Variants in PARN observed in about 807,000 individuals in gnomAD.
PARN encodes poly(A)-specific ribonuclease.
PARN carries 71 observed loss-of-function variants against 102.8 expected under a neutral mutation model. The observed-to-expected ratio is 0.69, with a 90% CI of 0.57 to 0.84. The LOEUF is 0.84. Ranked by LOEUF, PARN falls within the 40% of genes least tolerant of loss-of-function variation. The pLI is 0.00. For missense variants in PARN, 782 were observed against 760.9 expected (o/e 1.03, Z -0.33); for synonymous variants, 261 against 252.9 (o/e 1.03, Z -0.30).
At chr16:14,616,893 T>A (rs1420061899) in intron 6 of PARN, among the ~76,000 whole-genome samples, 4 of 150,380 alleles carry the variant, frequency 2.7e-5, no homozygotes, top group Non-Finnish European at 6.0e-5. Flanking sequence ...TACATACCTC[T>A]TGTTACACTG....
intron 22 of PARN, among the ~76,000 whole-genome samples, chr16:14,471,983 T>A (rs1386223184): frequency 6.6e-6 from 1 of 152,188 alleles, no homozygotes; most frequent in Admixed American, 6.5e-5. Context: ...TGTCCACATC[T>A]CTTTATGTGA....
intron 5 of PARN, among the ~76,000 whole-genome samples, 198 bp from the exon 6 acceptor site, chr16:14,617,848 A>C (rs942617386): frequency 6.6e-6 from 1 of 152,202 alleles, no homozygotes; most frequent in African/African-American, 2.4e-5. Flanking sequence ...TCTCCTTTAT[A>C]GCTTACAAAA....
chr16:14,451,136 C>T, intron 22 of PARN, among the ~76,000 whole-genome samples: 1 of 152,156 alleles, frequency 6.6e-6, no homozygotes, highest in Non-Finnish European at 1.5e-5. Flanking sequence ...CGTCCGTACT[C>T]TCCCACATGC....
At chr16:14,553,764 A>C (rs1177919661) in intron 20 of PARN, among the ~76,000 whole-genome samples, 2 of 152,196 alleles carry the variant, frequency 1.3e-5, no homozygotes, top group Non-Finnish European at 2.9e-5. Flanking sequence ...GTTTAATCTT[A>C]AAAATTATTT....
intron 6 of PARN, among the ~76,000 whole-genome samples, chr16:14,611,090 G>C (rs1332777476): frequency 2.0e-5 from 3 of 152,226 alleles, no homozygotes; most frequent in Non-Finnish European, 4.4e-5. Flanking sequence ...CTGCTCTGTA[G>C]TGAAGGGAAC....
At chr16:14,625,810 G>A (rs1596924100) in intron 5 of PARN, among the ~76,000 whole-genome samples, 2 of 152,356 alleles carry the variant, frequency 1.3e-5, no homozygotes, top group East Asian at 3.9e-4. Context: ...CAAGAGAAGG[G>A]AAAGATGGCA....
intron 11 of PARN, among the ~76,000 whole-genome samples, chr16:14,601,018 G>A (rs750286765): frequency 5.3e-5 from 8 of 152,180 alleles, no homozygotes; most frequent in East Asian, 1.9e-4. Flanking sequence ...CCTGTGTGCC[G>A]TTGATGAAAA....
chr16:14,600,009 T>C, intron 11 of PARN, 49 bp from the exon 12 acceptor site: 1 of 1,054,758 alleles, frequency 9.5e-7, no homozygotes, highest in East Asian at 2.7e-5. Context: ...TAAATATTCC[T>C]TATGTGAATT....
intron 6 of PARN, among the ~76,000 whole-genome samples, chr16:14,615,760 G>A (rs527618152): frequency 1.4e-4 from 21 of 152,184 alleles, no homozygotes; most frequent in African/African-American, 5.1e-4. Flanking sequence ...AATTAGGTGT[G>A]CGTGGTGGCA....
At chr16:14,519,675 T>A (rs553985366) in intron 21 of PARN, among the ~76,000 whole-genome samples, 1 of 152,296 alleles carries the variant, frequency 6.6e-6, no homozygotes, top group South Asian at 2.1e-4. Context: ...AATCATATTA[T>A]AGATTTCTCT....
chr16:14,540,888 C>A (rs1032243262), intron 21 of PARN, among the ~76,000 whole-genome samples: 3 of 152,104 alleles, frequency 2.0e-5, no homozygotes, highest in Admixed American at 6.6e-5. Flanking sequence ...GAGGTAGAGG[C>A]TGCAGTGAGC....
intron 22 of PARN, among the ~76,000 whole-genome samples, chr16:14,451,931 A>G (rs1961481909): frequency 6.9e-6 from 1 of 144,720 alleles, no homozygotes; most frequent in East Asian, 2.0e-4. Context: ...GCATGCCTGT[A>G]GTCCCAGCTA....
At position 14,600,934 on chromosome 16, in the gene PARN, C is replaced by T. The variant is rs528003108; in HGVS notation, c.784-974G>A. On this transcript the variant is annotated intron_variant, in intron 11 of 23. Coordinates refer to ENST00000437198, the MANE Select transcript of PARN (RefSeq NM_002582.4). ...GGGCAACAAGAGCGAAACTCCATCT[C>T]AAAAAACAAACAAACAAACAAAAAA... Among the ~76,000 whole-genome samples the T allele has an allele frequency of 7.2e-5, 11 of 151,758 alleles. No individual in the cohort carries two copies. In the East Asian group the frequency reaches 2.1e-3, roughly 29 times the overall value.
chr16:14,557,745 T>C (rs971502667), intron 18 of PARN, among the ~76,000 whole-genome samples: 1 of 152,198 alleles, frequency 6.6e-6, no homozygotes, highest in Non-Finnish European at 1.5e-5. Flanking sequence ...AATTTATTTT[T>C]AGTTCACTAA....
chr16:14,547,934 A>G (rs888701775), intron 21 of PARN, among the ~76,000 whole-genome samples: 1 of 152,104 alleles, frequency 6.6e-6, no homozygotes, highest in Non-Finnish European at 1.5e-5. Flanking sequence ...GAAATGAATA[A>G]GTAATTTGTT....
chr16:14,520,496 G>C (rs889521773), intron 21 of PARN, among the ~76,000 whole-genome samples: 2 of 152,032 alleles, frequency 1.3e-5, no homozygotes, highest in African/African-American at 4.8e-5. Flanking sequence ...GGGAGGCCAA[G>C]GTGGACTGTT....
intron 21 of PARN, among the ~76,000 whole-genome samples, chr16:14,497,008 C>T (rs147240679): frequency 1.3e-5 from 2 of 152,268 alleles, no homozygotes; most frequent in Non-Finnish European, 2.9e-5. Flanking sequence ...GTATTTAACC[C>T]GTTGTTGACG....
intron 6 of PARN, among the ~76,000 whole-genome samples, chr16:14,615,286 T>C (rs572662060): frequency 6.6e-6 from 1 of 151,600 alleles, no homozygotes; most frequent in African/African-American, 2.4e-5. Flanking sequence ...AATCTGGCTG[T>C]TTCTCTTCTT....
intron 5 of PARN, among the ~76,000 whole-genome samples, chr16:14,618,412 C>T (rs907072691): frequency 6.6e-6 from 1 of 151,206 alleles, no homozygotes; most frequent in South Asian, 2.1e-4. Context: ...GGCGTGAACC[C>T]GAGAGGTGGA....
Sources: gnomAD v4.1 joint callset for allele counts (sites outside exome capture counted in the v4.1 genomes callset) on GRCh38, gnomAD v4.1.1 for gene constraint, MANE v1.5 for transcripts, NCBI Gene and HGNC (gene_info 2026-07-23, HGNC 2026-07-21) for gene names.